Variants in VPS13D observed in about 807,000 individuals in gnomAD.
VPS13D encodes the protein intermembrane lipid transfer protein VPS13D.
Under a neutral mutation model 461.9 loss-of-function variants are expected in VPS13D, and 187 were observed. That is an observed-to-expected ratio of 0.40 (90% CI 0.36 to 0.46). The LOEUF (loss-of-function observed/expected upper bound fraction) is 0.46. Among genes scored for constraint, VPS13D ranks in the 20% least tolerant of loss-of-function variants. The probability of loss-of-function intolerance (pLI) is 0.60; values close to 1 mark genes in which losing one functional copy is unlikely to be tolerated. For synonymous variants in VPS13D, 1,951 were observed against 1,986.3 expected, an observed-to-expected ratio of 0.98 and a Z score of 0.47; for missense variants, 4,711 against 5,364.9, an observed-to-expected ratio of 0.88 and a Z score of 3.81.
intron 60 of VPS13D, among the ~76,000 whole-genome samples, chr1:12,392,968 T>C (rs1335118406): frequency 2.6e-5 from 4 of 152,176 alleles, no homozygotes; most frequent in African/African-American, 9.7e-5. Context: ...ATGAGGAATG[T>C]GTTGCCTCCA....
chr1:12,290,185 A>G (rs1018140293), intron 22 of VPS13D, among the ~76,000 whole-genome samples: 8 of 152,150 alleles, frequency 5.3e-5, no homozygotes, highest in African/African-American at 1.7e-4. Context: ...CTTCACTCAT[A>G]TATCAGAGTA....
rs750680276 is a variant in VPS13D at position 12,341,894 on chromosome 1, T to A, written c.8732+9T>A. The stretch of plus-strand genomic sequence containing the variant: ...ACCACCACACCCACCAGGTAAGCAG[T>A]CAGTTTATATTACCCCGAGTCATCT... On this transcript the variant is annotated intron_variant, in intron 41 of 69. Coordinates refer to ENST00000620676, the MANE Select transcript of VPS13D (RefSeq NM_015378.4). 2.5e-6 allele frequency: 4 copies of A among 1,613,180 alleles called. No individual in the cohort carries two copies. Among genetic ancestry groups the A allele is most frequent in the Non-Finnish European group, 3.4e-6 (4 of 1,179,456 alleles).
rs1639905547 is a variant in VPS13D at position 12,230,051 on chromosome 1, C to T, written c.-146C>T. The stretch of plus-strand genomic sequence containing the variant: ...CGGCCTGAGCGCCGCGGGCCTGCGC[C>T]ATTGAGGAGCGGCGGGGAGGAAACG... On this transcript the variant is annotated 5_prime_UTR_variant, in exon 1 of 70. Transcript: ENST00000620676. 2 of 151,976 alleles carry T rather than the reference C, an allele frequency of 1.3e-5. No homozygotes were observed. The highest frequency in any genetic ancestry group is 4.8e-5 in the African/African-American group (2 of 41,406). The allele number at this position is 151,976 out of a possible 1,614,324, so 9.4% of individuals were successfully genotyped here.
Position 12,234,354 on chromosome 1 carries a change from C to A in VPS13D, c.88C>A (p.Leu30Ile), listed in dbSNP as rs373554881. 81 of 1,613,610 alleles carry A rather than the reference C, an allele frequency of 5.0e-5. No individual in the cohort carries two copies. Among genetic ancestry groups the A allele is most frequent in the Non-Finnish European group, 6.4e-5 (76 of 1,179,708 alleles). ...GAACACTGACCAGCTCTCAGTTGCA[C>A]TTCTCAAAGGTGAGTATTTCTCTGG... ...NLNTDQLSVA[L>I]LKGAVELENL... The change falls in exon 2 of 70, where the codon CTT (leucine) becomes ATT (isoleucine). Residue 30 changes from leucine to isoleucine, a missense_variant. By Grantham distance (5) the Leu-to-Ile change is conservative. Transcript: ENST00000620676.
chr1:12,509,013 C>A lies in VPS13D; in HGVS notation c.13156C>A (p.Leu4386Met). The change falls in exon 70 of 70, where the codon CTG (leucine) becomes ATG (methionine). Residue 4386 changes from leucine to methionine, a missense_variant. Physicochemically the swap from Leu to Met is conservative, Grantham distance 15 (BLOSUM62 2). Around this residue, in one of 3 missense-constraint regions of VPS13D, gnomAD observed 194 missense variants for 220.9 expected, o/e 0.88. Transcript: ENST00000620676. Reference protein sequence around the residue: ...RLSENREQLELDS With the variant: ...RLSENREQLEMDS Reference sequence around the variant, plus strand: ...CAGCGAAAACCGAGAGCAGCTGGAGCTGGACTCCTGAAGCCCCGCTGCTGA... The same window carrying A: ...CAGCGAAAACCGAGAGCAGCTGGAGATGGACTCCTGAAGCCCCGCTGCTGA... 2 of 1,614,116 alleles carry A rather than the reference C, an allele frequency of 1.2e-6. No homozygotes were observed. Among genetic ancestry groups the A allele is most frequent in the South Asian group, 2.2e-5 (2 of 91,054 alleles).
chr1:12,356,313 C>T (rs1643885409), intron 48 of VPS13D, 85 bp from the exon 49 acceptor site: 1 of 1,494,236 alleles, frequency 6.7e-7, no homozygotes, highest in African/African-American at 1.4e-5. Context: ...TCTTTTCCCG[C>T]TTGATGGTTT....
rs192637414 is a variant in VPS13D at position 12,499,491 on chromosome 1, G to A, written c.12794+1860G>A. ...ATTTGTTTGCAATAGAAGAAATTGC[G>A]TGGTACAGCCAACATAGGACTGCTC... On this transcript the variant is annotated intron_variant, in intron 68 of 69. Coordinates refer to ENST00000620676, the MANE Select transcript of VPS13D (RefSeq NM_015378.4). 1.3e-3 allele frequency: 1,247 copies of A among 985,366 alleles called. 12 individuals carry two copies. The African/African-American group carries it at 0.02, about 16-fold the overall frequency. 61.0% of individuals were successfully genotyped at this position (985,366 alleles called of 1,614,324 possible).
chr1:12,299,211 C>G lies in VPS13D; in HGVS notation c.6043C>G (p.Gln2015Glu). ...TTCCTTCCTCTTTCAGGTGAGAGATCAAGCCCAGCGCTGTTCACGGGTTCT... is the reference window on the plus strand; with the variant it reads ...TTCCTTCCTCTTTCAGGTGAGAGATGAAGCCCAGCGCTGTTCACGGGTTCT... The part of the protein sequence containing the change: ...AAIEGQTVRD[Q>E]AQRCSRVLLD... Residue 2015 changes from glutamine to glutamate, a missense_variant, in exon 25 of 70, where the codon CAA (glutamine) becomes GAA (glutamate). Transcript: ENST00000620676. The surrounding 1 kb of genome is among the most constrained non-coding windows in gnomAD (Gnocchi z 4.2). The G allele has an allele frequency of 6.3e-7, 1 of 1,582,266 alleles. No individual in the cohort carries two copies. The highest frequency in any genetic ancestry group is 8.6e-7 in the Non-Finnish European group (1 of 1,168,710).
intron 65 of VPS13D, among the ~76,000 whole-genome samples, chr1:12,434,111 T>G (rs781020319): frequency 2.6e-5 from 4 of 152,190 alleles, no homozygotes; most frequent in Non-Finnish European, 5.9e-5. Flanking sequence ...GAAATTGTCA[T>G]TCATTGTGCC....
chr1:12,325,257 C>A lies in VPS13D; in HGVS notation c.7990+1477C>A, dbSNP rs1395383362. Among the ~76,000 whole-genome samples the A allele has an allele frequency of 2.6e-5, 4 of 151,714 alleles. No homozygotes were observed. In the South Asian group the frequency reaches 8.4e-4, roughly 32 times the overall value. On this transcript the variant is annotated intron_variant, in intron 35 of 69. Transcript: ENST00000620676. ...CTTGTGTGCACTTTCTCTCTTTCTA[C>A]TTCTCTTTTTTTTTTTCTTTGAGAC...
intron 67 of VPS13D, chr1:12,478,988 G>A (rs1645674798): frequency 3.0e-5 from 13 of 437,504 alleles, no homozygotes; most frequent in South Asian, 1.8e-4. Context: ...CCACAGCTAC[G>A]CCCAGGTGCT....
Position 12,363,086 on chromosome 1 carries a change from C to A in VPS13D, c.10287C>A (p.Pro3429=). Residue 3429 remains proline, a synonymous_variant, in exon 52 of 70, where the codon CCC becomes CCA. Transcript: ENST00000620676. ...EFARGQGTAN[P]EGYISTLPGS... is the part of the protein sequence containing the mutation. ...ATGTGTTTTAGGGAACAGCCAATCC[C>A]GAAGGTTACATTTCCACCCTTCCTG... The A allele has an allele frequency of 6.2e-7, 1 of 1,614,088 alleles. No individual in the cohort carries two copies. The highest frequency in any genetic ancestry group is 8.5e-7 in the Non-Finnish European group (1 of 1,180,008).
intron 52 of VPS13D, 25 bp downstream of exon 52, chr1:12,363,272 A>G: frequency 1.2e-6 from 2 of 1,609,736 alleles, no homozygotes; most frequent in Non-Finnish European, 1.7e-6. Context: ...CTAAATATAG[A>G]CAAAAAGGTA....
chr1:12,363,621 C>G (rs189150127), intron 52 of VPS13D, among the ~76,000 whole-genome samples: 1 of 152,218 alleles, frequency 6.6e-6, no homozygotes, highest in Non-Finnish European at 1.5e-5. Flanking sequence ...AATCATCTGG[C>G]TTTCTACACC....
chr1:12,343,545 A>G (rs1377916106), intron 42 of VPS13D, among the ~76,000 whole-genome samples: 8 of 151,264 alleles, frequency 5.3e-5, no homozygotes, highest in Admixed American at 3.3e-4. Flanking sequence ...ATTTTATTTT[A>G]TTTTATTTTT....
At chr1:12,409,066 T>A (rs1413865543) in intron 63 of VPS13D, among the ~76,000 whole-genome samples, 1 of 152,114 alleles carries the variant, frequency 6.6e-6, no homozygotes, top group Non-Finnish European at 1.5e-5. Flanking sequence ...GCTTTTTGTC[T>A]TTTTACTTTG....
chr1:12,385,492 G>A lies in VPS13D; in HGVS notation c.11484+119G>A, dbSNP rs182569022. 142 of 767,398 alleles carry A rather than the reference G, an allele frequency of 1.9e-4. No homozygotes were observed. In the African/African-American group the frequency reaches 2.2e-3, roughly 12 times the overall value. 47.5% of individuals were successfully genotyped at this position (767,398 alleles called of 1,614,324 possible). A position where few individuals can be genotyped will look rare whatever the true frequency, so the allele number is the denominator to read the frequency against. On this transcript the variant is annotated intron_variant, in intron 59 of 69. Coordinates refer to ENST00000620676, the MANE Select transcript of VPS13D (RefSeq NM_015378.4). Reference sequence around the variant, plus strand: ...CTGTATGATTCTAAATATGAGTTACGCTTCACAGTGTTTACTGTTTATCAG... The same window carrying A: ...CTGTATGATTCTAAATATGAGTTACACTTCACAGTGTTTACTGTTTATCAG...
chr1:12,277,028 AAAG>A lies in VPS13D; in HGVS notation c.3444_3446del (p.Arg1148del). 6.2e-7 allele frequency: 1 copy of A among 1,614,192 alleles called. No individual in the cohort carries two copies. The highest frequency in any genetic ancestry group is 8.5e-7 in the Non-Finnish European group (1 of 1,180,038). On this transcript the variant is annotated inframe_deletion, in exon 19 of 70. Coordinates refer to ENST00000620676, the MANE Select transcript of VPS13D (RefSeq NM_015378.4). ...CCTCAACCTTTAATGACTGATTTTG[AAAG>A]AAGCTTCAGAGAACAAGGAACTTAC...
At position 12,416,678 on chromosome 1, in the gene VPS13D, G is replaced by A; in HGVS notation, c.12184G>A (p.Ala4062Thr). 1 of 1,613,788 alleles carries A rather than the reference G, an allele frequency of 6.2e-7. No homozygotes were observed. ...TTGGCAGGAACTCCTCAGCCAGGCA[G>A]CTCGAATCCTGGGATCAGTGGATTT... ...HFQEELLSQA[A>T]RILGSVDFLG... The change falls in exon 65 of 70, where the codon GCT becomes ACT. Residue 4062 changes from alanine (A) to threonine (T), a missense_variant. Ala to Thr is a moderately conservative substitution (Grantham distance 58, BLOSUM62 0). Coordinates refer to ENST00000620676, the MANE Select transcript of VPS13D (RefSeq NM_015378.4).
Sources: allele counts gnomAD v4.1 joint callset (sites outside exome capture counted in the v4.1 genomes callset), GRCh38; gene constraint gnomAD v4.1.1; regional missense constraint gnomAD v4.1.1; non-coding constraint Gnocchi (gnomAD v3.1); transcripts MANE v1.5; gene names NCBI Gene and HGNC (gene_info 2026-07-23, HGNC 2026-07-21).